The following WDR59 variants were observed in gnomAD, a reference collection of about 807,000 sequenced individuals.
WDR59 encodes WD repeat domain 59.
WDR59 carries 100 observed loss-of-function variants against 131.2 expected under a neutral mutation model. The ratio of observed to expected loss-of-function variants is 0.76; its 90% CI spans 0.65 to 0.90. WDR59 has a LOEUF of 0.90. Among genes scored for constraint, WDR59 ranks in the 40% least tolerant of loss-of-function variants. The pLI, the probability that WDR59 is intolerant of heterozygous loss-of-function variation, is 0.00. For synonymous variants in WDR59, 601 were observed against 466.2 expected, an observed-to-expected ratio of 1.29 and a Z score of -3.72; for missense variants, 1,203 against 1,262.2, an observed-to-expected ratio of 0.95 and a Z score of 0.71.
Position 74,922,735 on chromosome 16 carries a change from ACCGCC to A in WDR59, c.730-637_730-633del, listed in dbSNP as rs578056777. On this transcript the variant is annotated intron_variant, in intron 9 of 25. Coordinates refer to ENST00000262144, the MANE Select transcript of WDR59 (RefSeq NM_030581.4). ...GTCACCAAAGAGCACATTTATCTTC[ACCGCC>A]CCTCCTGGTAGCACTCTTGGACTTT... Among the ~76,000 whole-genome samples, 247 of 152,304 alleles carry A rather than the reference ACCGCC, an allele frequency of 1.6e-3. 6 individuals carry two copies. The South Asian group carries it at 0.049, about 30-fold the overall frequency.
At chr16:74,895,063 A>C (rs1455905074) in intron 18 of WDR59, among the ~76,000 whole-genome samples, 3 of 152,216 alleles carry the variant, frequency 2.0e-5, no homozygotes, top group Non-Finnish European at 2.9e-5. Context: ...CTGATATCCC[A>C]TTTAATACCT....
In WDR59 at chr16:74,874,417, C is replaced by A. The variant is rs144948949; in HGVS notation, c.2717G>T (p.Arg906Leu). ...IEFGVYCSHC[R>L]SEVRGTQCAI... is the part of the protein sequence containing the mutation. ...ACACTGCGTGCCACGGACCTCACTC[C>A]GGCAGTGGCTGCAGTACACGCCGAA... The change falls in exon 26 of 26, where the codon CGG becomes CTG. Residue 906 changes from arginine (R) to leucine (L), a missense_variant. Arg to Leu is a moderately radical substitution (Grantham distance 102). Coordinates refer to ENST00000262144, the MANE Select transcript of WDR59 (RefSeq NM_030581.4). 3.1e-6 allele frequency: 5 copies of A among 1,614,034 alleles called. No individual in the cohort carries two copies. Among genetic ancestry groups the A allele is most frequent in the Non-Finnish European group, 4.2e-6 (5 of 1,180,020 alleles).
intron 20 of WDR59, 36 bp from the exon 21 acceptor site, chr16:74,889,851 G>A (rs368495015): frequency 6.5e-7 from 1 of 1,541,414 alleles, no homozygotes; most frequent in Non-Finnish European, 8.9e-7. Flanking sequence ...ACTCAAACTG[G>A]CAAGGACAAG....
At chr16:74,951,610 T>A in intron 3 of WDR59, 67 bp from the exon 4 acceptor site, 1 of 1,415,806 alleles carries the variant, frequency 7.1e-7, no homozygotes, top group Non-Finnish European at 9.8e-7. Context: ...CCAATCAGCT[T>A]AAGGCAGTGA....
At chr16:74,941,757 C>G (rs1393157031) in intron 7 of WDR59, among the ~76,000 whole-genome samples, 2 of 152,000 alleles carry the variant, frequency 1.3e-5, no homozygotes, top group Non-Finnish European at 2.9e-5. Flanking sequence ...CACCTAAGAG[C>G]TATCTAAGGC....
intron 18 of WDR59, among the ~76,000 whole-genome samples, chr16:74,896,729 T>G (rs564124769): frequency 6.6e-6 from 1 of 152,308 alleles, no homozygotes; most frequent in Admixed American, 6.5e-5. Flanking sequence ...AGCAGTTCAT[T>G]TGCAAAACAG....
Position 74,908,997 on chromosome 16 carries a change from A to C in WDR59, c.1643-20T>G. The C allele has an allele frequency of 6.2e-7, 1 of 1,608,730 alleles. No individual in the cohort carries two copies. Reference sequence around the variant, plus strand: ...GGTAACCTAAAGGAGGAGACATCACATGAGCCATCAGTGTCAACAAGCTGG... The same window carrying C: ...GGTAACCTAAAGGAGGAGACATCACCTGAGCCATCAGTGTCAACAAGCTGG... On this transcript the variant is annotated intron_variant, in intron 16 of 25. Coordinates refer to ENST00000262144, the MANE Select transcript of WDR59 (RefSeq NM_030581.4).
intron 25 of WDR59, among the ~76,000 whole-genome samples, chr16:74,878,159 G>A (rs761341450): frequency 2.6e-5 from 4 of 152,098 alleles, no homozygotes; most frequent in African/African-American, 9.7e-5. Context: ...AAGAGCTCTC[G>A]TATCTATTAA....
intron 6 of WDR59, among the ~76,000 whole-genome samples, chr16:74,945,953 G>A (rs1005290182): frequency 6.6e-6 from 1 of 151,720 alleles, no homozygotes; most frequent in Admixed American, 6.6e-5. Flanking sequence ...AAGAAGCTGA[G>A]ATTACAGGCA....
At chr16:74,945,642 G>C (rs181063274) in intron 6 of WDR59, among the ~76,000 whole-genome samples, 112 of 152,166 alleles carry the variant, frequency 7.4e-4, no homozygotes, top group African/African-American at 2.6e-3. Context: ...GGGGGGCAGA[G>C]CAGTGGAACT....
intron 1 of WDR59, among the ~76,000 whole-genome samples, chr16:74,981,629 T>TAC (rs1283747062): frequency 1.5e-3 from 4 of 2,648 alleles, no homozygotes; most frequent in African/African-American, 3.2e-3. Flanking sequence ...TATATATATA[T>TAC]ATATATATAT....
intron 8 of WDR59, among the ~76,000 whole-genome samples, chr16:74,929,322 G>A (rs2031171124): frequency 6.6e-6 from 1 of 152,124 alleles, no homozygotes; most frequent in Non-Finnish European, 1.5e-5. Flanking sequence ...TGATCCACCT[G>A]CCTCGGCCTC....
intron 18 of WDR59, among the ~76,000 whole-genome samples, chr16:74,894,869 G>A (rs552411867): frequency 2.1e-4 from 32 of 152,236 alleles, no homozygotes; most frequent in African/African-American, 4.8e-4. Flanking sequence ...ATTAATGAGC[G>A]TACAATGAAG....
intron 25 of WDR59, among the ~76,000 whole-genome samples, chr16:74,879,446 G>A (rs573419194): frequency 2.6e-5 from 4 of 152,306 alleles, no homozygotes; most frequent in Middle Eastern, 3.4e-3. Flanking sequence ...AGGATTTCTA[G>A]GACTTTTTGG....
At chr16:74,901,121 T>C (rs1965528140) in intron 18 of WDR59, among the ~76,000 whole-genome samples, 1 of 151,726 alleles carries the variant, frequency 6.6e-6, no homozygotes, top group African/African-American at 2.4e-5. Context: ...AAAAAAACTC[T>C]ATACTGGCTG....
intron 1 of WDR59, among the ~76,000 whole-genome samples, chr16:74,981,922 G>C (rs61108665): frequency 1.1e-4 from 14 of 130,526 alleles, no homozygotes; most frequent in South Asian, 2.5e-4. Context: ...TCCCAAAGTG[G>C]TGGGATTACA....
At chr16:74,946,429 A>C (rs2032642153) in intron 6 of WDR59, among the ~76,000 whole-genome samples, 1 of 152,120 alleles carries the variant, frequency 6.6e-6, no homozygotes, top group African/African-American at 2.4e-5. Context: ...AATAAGAAAG[A>C]AATGGTTTCT....
intron 1 of WDR59, among the ~76,000 whole-genome samples, chr16:74,966,218 AC>A (rs1215074892): frequency 1.3e-5 from 2 of 152,112 alleles, no homozygotes; most frequent in Non-Finnish European, 2.9e-5. Context: ...GGTGGCTCAC[AC>A]CTGTAATCCC....
chr16:74,908,893 A>G lies in WDR59; in HGVS notation c.1712+15T>C. ...CCCGGGAACGTAGAGCGGCTTCTGC[A>G]TCTCCCTGACTCACCTCGGAGTAGG... is the stretch of plus-strand genomic sequence containing the variant. On this transcript the variant is annotated intron_variant, in intron 17 of 25. Transcript: ENST00000262144. The G allele has an allele frequency of 1.2e-6, 2 of 1,613,174 alleles. No homozygotes were observed. The highest frequency in any genetic ancestry group is 2.2e-5 in the East Asian group (1 of 44,856).
Sources: gnomAD v4.1 joint callset for allele counts (sites outside exome capture counted in the v4.1 genomes callset) on GRCh38, gnomAD v4.1.1 for gene constraint, MANE v1.5 for transcripts, NCBI Gene and HGNC (gene_info 2026-07-23, HGNC 2026-07-21) for gene names.